The following CPEB3 variants were observed in gnomAD, a reference collection of about 807,000 sequenced individuals.
CPEB3 encodes the protein cytoplasmic polyadenylation element-binding protein 3.
CPEB3 carries 20 observed loss-of-function variants against 67.2 expected under a neutral mutation model. The ratio of observed to expected loss-of-function variants is 0.30; its 90% CI spans 0.21 to 0.43. The LOEUF (loss-of-function observed/expected upper bound fraction) is 0.43, where lower values mean the gene tolerates loss of function less well. Among genes scored for constraint, CPEB3 ranks in the 20% least tolerant of loss-of-function variants. The pLI is 1.00. For missense variants in CPEB3, 746 were observed against 968.6 expected, an observed-to-expected ratio of 0.77 and a Z score of 3.05; for synonymous variants, 376 against 393.1, an observed-to-expected ratio of 0.96 and a Z score of 0.51.
chr10:92,233,808 G>C (rs1851389993), intron 2 of CPEB3, among the ~76,000 whole-genome samples: 1 of 152,070 alleles, frequency 6.6e-6, no homozygotes, highest in African/African-American at 2.4e-5. Context: ...CTTGGGAATA[G>C]AAGGAAAAGG....
chr10:92,073,194 T>C (rs1348315813), intron 9 of CPEB3, among the ~76,000 whole-genome samples: 1 of 151,840 alleles, frequency 6.6e-6, no homozygotes, highest in East Asian at 2.0e-4. Context: ...TGTGCCACTA[T>C]GCACTGCTAA....
chr10:92,240,372 A>T lies in CPEB3; in HGVS notation c.-11-11T>A. The T allele has an allele frequency of 7.0e-7, 1 of 1,436,840 alleles. No individual in the cohort carries two copies. Among genetic ancestry groups the T allele is most frequent in the African/African-American group, 1.4e-5 (1 of 69,208 alleles). 89.0% of individuals were successfully genotyped at this position (1,436,840 alleles called of 1,614,324 possible). The stretch of plus-strand genomic sequence containing the variant: ...GCATGGTTTGCGCAGCTGAAACGGG[A>T]AAAAAGAGAGACGCGTTATTGTCAA... On this transcript the variant is annotated splice_polypyrimidine_tract_variant and intron_variant, in intron 1 of 9. Transcript: ENST00000265997.
intron 8 of CPEB3, among the ~76,000 whole-genome samples, chr10:92,090,339 C>CA (rs1747299515): frequency 6.6e-6 from 1 of 152,136 alleles, no homozygotes; most frequent in South Asian, 2.1e-4. Context: ...GTCAGGAGTT[C>CA]AAGACCAACC....
chr10:92,154,383 C>G (rs1373110601), intron 4 of CPEB3, among the ~76,000 whole-genome samples: 1 of 148,384 alleles, frequency 6.7e-6, no homozygotes, highest in African/African-American at 2.5e-5. Context: ...TATTTTCAAT[C>G]TTATTCTTTC....
rs1287402711 is a variant in CPEB3, at chr10:92,111,124, A to G, written c.1524T>C (p.Asp508=). 3 of 1,614,030 alleles carry G rather than the reference A, an allele frequency of 1.9e-6. No individual in the cohort carries two copies. The South Asian group carries it at 3.3e-5, about 18-fold the overall frequency. ...TTGACACACACAGGTAGAGTTTCCC[A>G]TCTTCTTCTAGGCAGGCATCTATCA... ...QALIDACLEE[D]GKLYLCVSSP... The change falls in exon 7 of 10, where the codon GAT becomes GAC. Residue 508 remains aspartate (D), a synonymous_variant. Transcript: ENST00000265997.
At chr10:92,075,225 G>A (rs1412827886) in intron 9 of CPEB3, among the ~76,000 whole-genome samples, 2 of 152,154 alleles carry the variant, frequency 1.3e-5, no homozygotes, top group African/African-American at 4.8e-5. Context: ...TCCCCCAAGA[G>A]CCTGGGCTAC....
intron 9 of CPEB3, among the ~76,000 whole-genome samples, chr10:92,072,278 C>T (rs969534010): frequency 6.6e-6 from 1 of 151,980 alleles, no homozygotes; most frequent in Non-Finnish European, 1.5e-5. Flanking sequence ...CCTATGTTAA[C>T]CTTTTTTAAA....
chr10:92,113,076 T>C (rs1470386733), intron 6 of CPEB3, among the ~76,000 whole-genome samples: 1 of 152,150 alleles, frequency 6.6e-6, no homozygotes, highest in Non-Finnish European at 1.5e-5. Flanking sequence ...CTCCCTAGCA[T>C]AGCAGGCAGA....
At chr10:92,241,963 G>C (rs1851870056) in intron 1 of CPEB3, among the ~76,000 whole-genome samples, 1 of 152,086 alleles carries the variant, frequency 6.6e-6, no homozygotes, top group Non-Finnish European at 1.5e-5. Context: ...CTTGTGAAAA[G>C]GCATTCAGAT....
intron 1 of CPEB3, among the ~76,000 whole-genome samples, chr10:92,284,344 G>A (rs1026779038): frequency 6.6e-6 from 1 of 152,062 alleles, no homozygotes. Flanking sequence ...GCCAGAATGG[G>A]GTCTATTTCT....
chr10:92,110,204 C>A (rs1317190713), intron 7 of CPEB3, among the ~76,000 whole-genome samples: 1 of 152,146 alleles, frequency 6.6e-6, no homozygotes, highest in Non-Finnish European at 1.5e-5. Context: ...CTAAGTAGGC[C>A]CTACATTTCC....
At chr10:92,116,285 T>C (rs187663689) in intron 6 of CPEB3, among the ~76,000 whole-genome samples, 2 of 150,646 alleles carry the variant, frequency 1.3e-5, no homozygotes, top group Admixed American at 6.6e-5. Flanking sequence ...AATAATAATA[T>C]GCACTTTCTA....
chr10:92,140,262 TG>T (rs1467979634), intron 6 of CPEB3, among the ~76,000 whole-genome samples: 1 of 152,140 alleles, frequency 6.6e-6, no homozygotes, highest in Non-Finnish European at 1.5e-5. Flanking sequence ...CAAAACAGCA[TG>T]GTACTGGGAC....
intron 9 of CPEB3, among the ~76,000 whole-genome samples, chr10:92,058,145 T>C (rs1480024107): frequency 6.6e-6 from 1 of 152,156 alleles, no homozygotes; most frequent in African/African-American, 2.4e-5. Flanking sequence ...ATGTGACCTT[T>C]CAGACAGAGA....
At chr10:92,078,365 A>C (rs1362249257) in intron 9 of CPEB3, among the ~76,000 whole-genome samples, 1 of 152,198 alleles carries the variant, frequency 6.6e-6, no homozygotes, top group Non-Finnish European at 1.5e-5. Flanking sequence ...CAAGATGAAT[A>C]CTTGCTGGTT....
Position 92,239,285 on chromosome 10 carries a change from A to T in CPEB3, c.1005+61T>A. ...ATAAGCGGGTGGATGATTAAAAGTC[A>T]GAGAAGTGGCAAAAGGAGCGGGGCA... is the stretch of plus-strand genomic sequence containing the variant. On this transcript the variant is annotated intron_variant, in intron 2 of 9. Coordinates refer to ENST00000265997, the MANE Select transcript of CPEB3 (RefSeq NM_014912.5). The surrounding 1 kb of genome is among the most constrained non-coding windows in gnomAD (Gnocchi z 6.0). 6.5e-7 allele frequency: 1 copy of T among 1,537,058 alleles called. No homozygotes were observed. The highest frequency in any genetic ancestry group is 8.8e-7 in the Non-Finnish European group (1 of 1,132,462).
chr10:92,226,113 T>G (rs1472872909), intron 2 of CPEB3, among the ~76,000 whole-genome samples: 1 of 152,088 alleles, frequency 6.6e-6, no homozygotes, highest in East Asian at 1.9e-4. Context: ...AAAATAATAA[T>G]AATTACAGGC....
At chr10:92,263,493 C>T (rs953653782) in intron 1 of CPEB3, among the ~76,000 whole-genome samples, 2 of 152,226 alleles carry the variant, frequency 1.3e-5, no homozygotes, top group South Asian at 2.1e-4. Context: ...AGAATCTATA[C>T]TTAAGTGTAG....
At chr10:92,201,489 C>T (rs1849522018) in intron 2 of CPEB3, among the ~76,000 whole-genome samples, 1 of 152,158 alleles carries the variant, frequency 6.6e-6, no homozygotes, top group South Asian at 2.1e-4. Flanking sequence ...GGTGGTGCCA[C>T]CGCACTCCAG....
Sources: allele counts gnomAD v4.1 joint callset (sites outside exome capture counted in the v4.1 genomes callset), GRCh38; gene constraint gnomAD v4.1.1; non-coding constraint Gnocchi (gnomAD v3.1); transcripts MANE v1.5; gene names NCBI Gene and HGNC (gene_info 2026-07-23, HGNC 2026-07-21).